GLT8D1: variants seen among roughly 807,000 people sequenced by gnomAD.
The protein encoded by GLT8D1 is glycosyltransferase 8 domain containing 1, also known as glycosyltransferase 8 domain-containing protein 1.
In GLT8D1, 41 loss-of-function variants were observed where a neutral mutation model predicts 46.2. That is an observed-to-expected ratio of 0.89 (90% CI 0.69 to 1.15). The LOEUF is 1.15. Among genes scored for constraint, GLT8D1 ranks in the 50% most tolerant of loss-of-function variants. GLT8D1 has a pLI of 0.00. For synonymous variants in GLT8D1, 150 were observed against 154.2 expected, an observed-to-expected ratio of 0.97 and a Z score of 0.20; for missense variants, 408 against 449.3, an observed-to-expected ratio of 0.91 and a Z score of 0.83.
Position 52,700,198 on chromosome 3 carries a change from T to G in GLT8D1, c.115+64A>C, listed in dbSNP as rs1683643935. Reference sequence around the variant, plus strand: ...ACCGGAAGAAGAACAACTTAGGATGTGTGACACAGAGAATACCAGGTCCGC... The same window carrying G: ...ACCGGAAGAAGAACAACTTAGGATGGGTGACACAGAGAATACCAGGTCCGC... On this transcript the variant is annotated intron_variant, in intron 3 of 9. Transcript: ENST00000266014. The G allele has an allele frequency of 3.1e-6, 3 of 962,400 alleles. No individual in the cohort carries two copies. The South Asian group carries it at 4.2e-5, about 13-fold the overall frequency. 59.6% of individuals were successfully genotyped at this position (962,400 alleles called of 1,614,324 possible).
Position 52,700,492 on chromosome 3 carries a change from T to A in GLT8D1, c.-32A>T. 1 of 1,530,652 alleles carries A rather than the reference T, an allele frequency of 6.5e-7. No homozygotes were observed. The highest frequency in any genetic ancestry group is 9.0e-7 in the Non-Finnish European group (1 of 1,110,776). 94.8% of individuals were successfully genotyped at this position (1,530,652 alleles called of 1,614,324 possible). A position where few individuals can be genotyped will look rare whatever the true frequency, so the allele number is the denominator to read the frequency against. On this transcript the variant is annotated 5_prime_UTR_variant, in exon 2 of 10. Transcript: ENST00000266014. ...CTTCTGTCATATAAATATTAGTTTT[T>A]AACCCTACAAAACAAAAACAAGCCC... is the stretch of plus-strand genomic sequence containing the variant.
Position 52,700,319 on chromosome 3 carries a change from G to A in GLT8D1, c.58C>T (p.Leu20=). The change falls in exon 3 of 10, where the codon CTG becomes TTG. Residue 20 remains leucine, a synonymous_variant. Coordinates refer to ENST00000266014, the MANE Select transcript of GLT8D1 (RefSeq NM_018446.4). ...CTGAGGAAGTTATGGTGCAAAACCA[G>A]TAAGAAGAGAGCAACAGCCAGGACC... ...ILVLAVALFL[L]VLHHNFLSLS... 6.2e-7 allele frequency: 1 copy of A among 1,613,838 alleles called. No homozygotes were observed. Among genetic ancestry groups the A allele is most frequent in the Non-Finnish European group, 8.5e-7 (1 of 1,179,774 alleles).
intron 3 of GLT8D1, among the ~76,000 whole-genome samples, chr3:52,699,635 G>A (rs982510356): frequency 6.6e-6 from 1 of 152,086 alleles, no homozygotes; most frequent in Non-Finnish European, 1.5e-5. Flanking sequence ...CACTGCTCCC[G>A]GCCGCTGTTC....
Position 52,700,908 on chromosome 3 carries a change from C to CA in GLT8D1, c.-36-413dup, listed in dbSNP as rs200850602. 8.7e-3 allele frequency among the ~76,000 whole-genome samples: 1,314 copies of CA among 151,844 alleles called. 17 individuals are homozygous for CA. The highest frequency in any genetic ancestry group is 0.03 in the African/African-American group (1,249 of 41,382). ...GAAACCTCGTCTCTACTAAAAACTGCAAAAAAATTAGCCAGGTGCAGTGGC... is the reference window on the plus strand; with the variant it reads ...GAAACCTCGTCTCTACTAAAAACTGCAAAAAAAATTAGCCAGGTGCAGTGGC... On this transcript the variant is annotated intron_variant, in intron 1 of 9. Coordinates refer to ENST00000266014, the MANE Select transcript of GLT8D1 (RefSeq NM_018446.4).
intron 1 of GLT8D1, chr3:52,703,052 A>T: frequency 6.7e-6 from 1 of 150,152 alleles, no homozygotes. Flanking sequence ...TGCTGGGATT[A>T]CAGGCCTGAG....
chr3:52,700,033 T>C (rs576939400), intron 3 of GLT8D1, among the ~76,000 whole-genome samples: 2 of 152,342 alleles, frequency 1.3e-5, no homozygotes, highest in South Asian at 4.1e-4. Context: ...CCAAGGACAC[T>C]GGTATGCCCT....
At position 52,697,795 on chromosome 3, in the gene GLT8D1, G is replaced by C; in HGVS notation, c.255C>G (p.Asn85Lys). The change falls in exon 4 of 10, where the codon AAC (asparagine) becomes AAG (lysine). Residue 85 changes from asparagine (N) to lysine (K), a missense_variant. Physicochemically the swap from Asn to Lys is moderately conservative, Grantham distance 94. Transcript: ENST00000266014. ...TGGAGCGAGTGTTGTGCTGAATGCT[G>C]TTTATAGCTGCAATGGCCCCCCCAA... ...DRLGGAIAAI[N>K]SIQHNTRSNV... is the part of the protein sequence containing the mutation. The C allele has an allele frequency of 6.2e-7, 1 of 1,613,852 alleles. No homozygotes were observed. Among genetic ancestry groups the C allele is most frequent in the East Asian group, 2.2e-5 (1 of 44,886 alleles).
At chr3:52,704,458 C>CA (rs60851820) in intron 1 of GLT8D1, among the ~76,000 whole-genome samples, 1,865 of 53,098 alleles carry the variant, frequency 0.035, 68 homozygotes, top group East Asian at 0.06. Flanking sequence ...GTCTTCGCCT[C>CA]AAAAAAAAAA....
chr3:52,696,192 A>G, intron 6 of GLT8D1, 42 bp downstream of exon 6: 1 of 1,354,104 alleles, frequency 7.4e-7, no homozygotes, highest in Non-Finnish European at 1.1e-6. Flanking sequence ...AATTGTACCC[A>G]ATCTGGGTGG....
chr3:52,697,118 T>A (rs1274241727), intron 4 of GLT8D1, among the ~76,000 whole-genome samples: 5 of 152,340 alleles, frequency 3.3e-5, no homozygotes, highest in Admixed American at 1.3e-4. Context: ...CGTTCAGAAT[T>A]TACAGCTTTA....
rs1342603152 is a variant in GLT8D1 at position 52,694,771 on chromosome 3, G to A, written c.*74C>T. On this transcript the variant is annotated 3_prime_UTR_variant, in exon 10 of 10. Transcript: ENST00000266014. The stretch of plus-strand genomic sequence containing the variant: ...TGCTACCGATAGGCATTGAAGCCTA[G>A]CAACTGTTACTTCCCACGCATGCTA... The A allele has an allele frequency of 5.8e-6, 6 of 1,032,502 alleles. No homozygotes were observed. Among genetic ancestry groups the A allele is most frequent in the Non-Finnish European group, 9.2e-6 (6 of 655,248 alleles). 64.0% of individuals were successfully genotyped at this position (1,032,502 alleles called of 1,614,324 possible). A position where few individuals can be genotyped will look rare whatever the true frequency, so the allele number is the denominator to read the frequency against.
rs377216315 is a variant in GLT8D1 at position 52,696,672 on chromosome 3, A to C, written c.330-13T>G. Reference sequence around the variant, plus strand: ...GTTGAGCCAGGACCTGATGAAGATAAAACACTACATTTTAGTTTCAAATAA... The same window carrying C: ...GTTGAGCCAGGACCTGATGAAGATACAACACTACATTTTAGTTTCAAATAA... On this transcript the variant is annotated splice_polypyrimidine_tract_variant and intron_variant, in intron 4 of 9. Coordinates refer to ENST00000266014, the MANE Select transcript of GLT8D1 (RefSeq NM_018446.4). 2.9e-6 allele frequency: 4 copies of C among 1,369,020 alleles called. No homozygotes were observed. Among genetic ancestry groups the C allele is most frequent in the African/African-American group, 2.8e-5 (2 of 70,574 alleles). The allele number at this position is 1,369,020 out of a possible 1,614,324, so 84.8% of individuals were successfully genotyped here. A position where few individuals can be genotyped will look rare whatever the true frequency, so the allele number is the denominator to read the frequency against.
At chr3:52,699,466 G>A (rs1404805659) in intron 3 of GLT8D1, among the ~76,000 whole-genome samples, 2 of 152,056 alleles carry the variant, frequency 1.3e-5, no homozygotes, top group African/African-American at 4.8e-5. Context: ...TGTATTTTTA[G>A]TAGAGACGGG....
rs1410027562 is a variant in GLT8D1 at position 52,696,026 on chromosome 3, G to C, written c.547C>G (p.Leu183Val). The C allele has an allele frequency of 2.5e-6, 4 of 1,598,558 alleles. No individual in the cohort carries two copies. Among genetic ancestry groups the C allele is most frequent in the Non-Finnish European group, 3.4e-6 (4 of 1,166,126 alleles). The change falls in exon 7 of 10, where the codon CTT (leucine) becomes GTT (valine). Residue 183 changes from leucine (L) to valine (V), a missense_variant. Transcript: ENST00000266014. ...DVIVQGDILA[L>V]YNTALKPGHA... ...CCTGGCTTCAGTGCTGTATTGTAAA[G>C]GGCAAGAATATCACCTGAAATAGAC...
chr3:52,705,355 C>A (rs1328966673), intron 1 of GLT8D1, 92 bp downstream of exon 1: 2 of 152,466 alleles, frequency 1.3e-5, no homozygotes, highest in African/African-American at 4.8e-5. Context: ...CAGCCGAGCA[C>A]CAGGGTCCCC....
At chr3:52,697,453 T>TTA in intron 4 of GLT8D1, 1 of 463,400 alleles carries the variant, frequency 2.2e-6, no homozygotes. Context: ...TGAGAAAGTA[T>TTA]TATTATCAAA....
Position 52,697,854 on chromosome 3 carries a change from TCTC to T in GLT8D1, c.193_195del (p.Glu65del), listed in dbSNP as rs1285236528. 3 of 1,613,704 alleles carry T rather than the reference TCTC, an allele frequency of 1.9e-6. No homozygotes were observed. Among genetic ancestry groups the T allele is most frequent in the South Asian group, 1.1e-5 (1 of 91,062 alleles). On this transcript the variant is annotated inframe_deletion, in exon 4 of 10. Coordinates refer to ENST00000266014, the MANE Select transcript of GLT8D1 (RefSeq NM_018446.4). Reference sequence around the variant, plus strand: ...TCAGATGCAGCGATGACCACAGGAATCTCCTCTTGTCTCCCATCTACTGCATGT... The same window carrying T: ...TCAGATGCAGCGATGACCACAGGAATCTCTTGTCTCCCATCTACTGCATGT...
Position 52,696,312 on chromosome 3 carries a change from A to G in GLT8D1, c.454T>C (p.Phe152Leu), listed in dbSNP as rs1460716693. The change falls in exon 6 of 10, where the codon TTT becomes CTT. Residue 152 changes from phenylalanine (F) to leucine (L), a missense_variant. Transcript: ENST00000266014. ...AGAATTGGCAAGTAGAACCTTGCAA[A>G]GGTTAACTGGAAAAGGAAAGAATAA... ...DQGESMKPLT[F>L]ARFYLPILVP... The G allele has an allele frequency of 2.5e-6, 4 of 1,605,280 alleles. No individual in the cohort carries two copies. Among genetic ancestry groups the G allele is most frequent in the Non-Finnish European group, 3.4e-6 (4 of 1,171,914 alleles).
chr3:52,697,677 T>G (rs564310618), intron 4 of GLT8D1, 44 bp downstream of exon 4: 4 of 1,353,264 alleles, frequency 3.0e-6, no homozygotes, highest in Non-Finnish European at 4.2e-6. Context: ...GCTGGCCTGC[T>G]CTAAATCATC....
Sources: allele counts gnomAD v4.1 joint callset (sites outside exome capture counted in the v4.1 genomes callset), GRCh38; gene constraint gnomAD v4.1.1; transcripts MANE v1.5; gene names NCBI Gene and HGNC (gene_info 2026-07-23, HGNC 2026-07-21).